The following MPDZ variants were observed in gnomAD, a reference collection of about 807,000 sequenced individuals.
MPDZ encodes multiple PDZ domain crumbs cell polarity complex component.
In MPDZ, 234 loss-of-function variants were observed where a neutral mutation model predicts 239.1. That is an observed-to-expected ratio of 0.98 (90% CI 0.88 to 1.09). The LOEUF (loss-of-function observed/expected upper bound fraction) is 1.09. MPDZ is among the 50% of genes least tolerant of loss of function. The pLI is 0.00. For missense variants in MPDZ, 3,175 were observed against 2,510.0 expected (o/e 1.26, Z -5.66); for synonymous variants, 1,048 against 881.3 (o/e 1.19, Z -3.35).
intron 1 of MPDZ, among the ~76,000 whole-genome samples, chr9:13,251,006 G>A (rs548787265): frequency 6.6e-6 from 1 of 151,486 alleles, no homozygotes; most frequent in South Asian, 2.1e-4. Flanking sequence ...GTGCACACCT[G>A]TAATCCCAGC....
At chr9:13,163,586 G>T (rs919303818) in intron 22 of MPDZ, among the ~76,000 whole-genome samples, 3 of 152,014 alleles carry the variant, frequency 2.0e-5, no homozygotes, top group African/African-American at 7.2e-5. Flanking sequence ...CTTCTGACAT[G>T]GTGGACATAC....
chr9:13,251,614 T>C (rs1477749527), intron 1 of MPDZ, among the ~76,000 whole-genome samples: 1 of 152,160 alleles, frequency 6.6e-6, no homozygotes, highest in Non-Finnish European at 1.5e-5. Context: ...GGAAGCAAAA[T>C]GGAATTTCTC....
At position 13,176,152 on chromosome 9, in the gene MPDZ, G is replaced by A. The variant is rs767696999; in HGVS notation, c.2915C>T (p.Pro972Leu). The change falls in exon 20 of 47, where the codon CCC (proline) becomes CTC (leucine). Residue 972 changes from proline to leucine, a missense_variant. Coordinates refer to ENST00000319217, the MANE Select transcript of MPDZ (RefSeq NM_001378778.1). ...AAATATTACCTTTCCAGCTGAATCG[G>A]GTAGCACAGAAGGAAGTTCTGCACT... Reference protein sequence around the residue: ...ISSAELPSVLPDSAGKGSEYL... With the variant: ...ISSAELPSVLLDSAGKGSEYL... The A allele has an allele frequency of 1.3e-6, 2 of 1,598,964 alleles. No individual in the cohort carries two copies.
intron 21 of MPDZ, among the ~76,000 whole-genome samples, chr9:13,171,648 C>T (rs960752943): frequency 2.0e-5 from 3 of 152,050 alleles, no homozygotes; most frequent in Non-Finnish European, 4.4e-5. Flanking sequence ...ACTATATGCA[C>T]GTGTATATTT....
intron 24 of MPDZ, among the ~76,000 whole-genome samples, chr9:13,152,121 A>C (rs545654894): frequency 6.6e-6 from 1 of 152,200 alleles, no homozygotes; most frequent in South Asian, 2.1e-4. Context: ...TAGCAACCAA[A>C]TCAAGGGAAA....
intron 27 of MPDZ, among the ~76,000 whole-genome samples, chr9:13,141,662 A>C (rs1947712805): frequency 6.6e-6 from 1 of 152,170 alleles, no homozygotes; most frequent in Admixed American, 6.6e-5. Flanking sequence ...ACAAATACTT[A>C]GAAATTATTA....
intron 23 of MPDZ, among the ~76,000 whole-genome samples, chr9:13,159,623 GC>G (rs1950228204): frequency 6.6e-6 from 1 of 152,136 alleles, no homozygotes; most frequent in Non-Finnish European, 1.5e-5. Flanking sequence ...TCAGTGACAG[GC>G]AGGGGATGGG....
At chr9:13,155,173 G>A (rs969658675) in intron 24 of MPDZ, among the ~76,000 whole-genome samples, 7 of 152,040 alleles carry the variant, frequency 4.6e-5, no homozygotes, top group Non-Finnish European at 8.8e-5. Context: ...AGCCAGGATC[G>A]TGCCACTGCA....
rs1477710213 is a variant in MPDZ, at chr9:13,119,575, C to T, written c.5306G>A (p.Gly1769Glu). 1.9e-6 allele frequency: 3 copies of T among 1,613,892 alleles called. No individual in the cohort carries two copies. The highest frequency in any genetic ancestry group is 2.5e-6 in the Non-Finnish European group (3 of 1,179,872). ...IADADGRLMQ[G>E]DQILMVNGED... Reference sequence around the variant, plus strand: ...CCCATTCACCATTAATATCTGGTCTCCCTGCATCAGTCTTCCATCGGCATC... The same window carrying T: ...CCCATTCACCATTAATATCTGGTCTTCCTGCATCAGTCTTCCATCGGCATC... Residue 1769 changes from glycine (G) to glutamate (E), a missense_variant, in exon 39 of 47, where the codon GGA becomes GAA. By Grantham distance (98) the Gly-to-Glu change is moderately conservative. Transcript: ENST00000319217.
At chr9:13,228,476 G>C (rs920750561) in intron 3 of MPDZ, among the ~76,000 whole-genome samples, 6 of 152,024 alleles carry the variant, frequency 3.9e-5, no homozygotes, top group Middle Eastern at 3.4e-3. Flanking sequence ...ACTACAAAAG[G>C]TCAAGTAAAG....
At chr9:13,258,764 T>C (rs1489381596) in intron 1 of MPDZ, among the ~76,000 whole-genome samples, 3 of 152,194 alleles carry the variant, frequency 2.0e-5, no homozygotes, top group East Asian at 3.9e-4. Flanking sequence ...ATGAATACAA[T>C]TTTTATTTTC....
In MPDZ at chr9:13,119,590, C is replaced by A. The variant is rs1216087960; in HGVS notation, c.5291G>T (p.Gly1764Val). ...IVKGGIADAD[G>V]RLMQGDQILM... is the part of the protein sequence containing the mutation. The stretch of plus-strand genomic sequence containing the variant: ...TATCTGGTCTCCCTGCATCAGTCTT[C>A]CATCGGCATCTGCAATTCCTCCTTT... Residue 1764 changes from glycine (G) to valine (V), a missense_variant, in exon 39 of 47, where the codon GGA (glycine) becomes GTA (valine). Gly to Val is a moderately radical substitution (Grantham distance 109). Coordinates refer to ENST00000319217, the MANE Select transcript of MPDZ (RefSeq NM_001378778.1). 4 of 1,613,894 alleles carry A rather than the reference C, an allele frequency of 2.5e-6. No homozygotes were observed. The highest frequency in any genetic ancestry group is 2.2e-5 in the South Asian group (2 of 91,092).
At chr9:13,115,583 T>C (rs557557843) in intron 39 of MPDZ, among the ~76,000 whole-genome samples, 3 of 152,206 alleles carry the variant, frequency 2.0e-5, no homozygotes, top group East Asian at 1.9e-4. Context: ...TGGAGACTAC[T>C]TGTACCAAAA....
chr9:13,121,808 C>T lies in MPDZ; in HGVS notation c.5162G>A (p.Cys1721Tyr). 2 of 1,613,938 alleles carry T rather than the reference C, an allele frequency of 1.2e-6. No homozygotes were observed. Among genetic ancestry groups the T allele is most frequent in the Non-Finnish European group, 1.7e-6 (2 of 1,179,890 alleles). Reference protein sequence around the residue: ...DEAPYKEEEVCDTLTIELQKK... With the variant: ...DEAPYKEEEVYDTLTIELQKK... ...CTGCAGCTCAATAGTGAGGGTGTCA[C>T]ACACTTCCTCCTCTTTGTATGGGGC... is the stretch of plus-strand genomic sequence containing the variant. Residue 1721 changes from cysteine to tyrosine, a missense_variant, in exon 38 of 47, where the codon TGT (cysteine) becomes TAT (tyrosine). Coordinates refer to ENST00000319217, the MANE Select transcript of MPDZ (RefSeq NM_001378778.1).
Position 13,262,720 on chromosome 9 carries a change from A to G in MPDZ, c.-57-12348T>C, listed in dbSNP as rs150842104. ...AAACAAAAAACACAAAACAAGGGCA[A>G]CAAAATAAATTCAGATATCCATATT... On this transcript the variant is annotated intron_variant, in intron 1 of 46. Transcript: ENST00000319217. 1.3e-3 allele frequency among the ~76,000 whole-genome samples: 191 copies of G among 152,252 alleles called. 2 individuals carry two copies. The highest frequency in any genetic ancestry group is 4.5e-3 in the African/African-American group (185 of 41,564).
intron 44 of MPDZ, 89 bp from the exon 45 acceptor site, chr9:13,110,153 A>T (rs1332148832): frequency 1.2e-6 from 1 of 831,194 alleles, no homozygotes; most frequent in East Asian, 2.7e-5. Flanking sequence ...CTTGGATTAA[A>T]ATGTATATTT....
At chr9:13,194,870 T>G (rs1392962928) in intron 13 of MPDZ, among the ~76,000 whole-genome samples, 1 of 152,088 alleles carries the variant, frequency 6.6e-6, no homozygotes, top group Non-Finnish European at 1.5e-5. Context: ...ATTTCTGAAG[T>G]TTCATGTTAA....
At position 13,109,976 on chromosome 9, in the gene MPDZ, C is replaced by T; in HGVS notation, c.5918G>A (p.Ser1973Asn). 1 of 1,613,016 alleles carries T rather than the reference C, an allele frequency of 6.2e-7. No homozygotes were observed. The highest frequency in any genetic ancestry group is 8.5e-7 in the Non-Finnish European group (1 of 1,179,606). Reference protein sequence around the residue: ...SSLSFTGLTSSSIFQDDLGPP... With the variant: ...SSLSFTGLTSNSIFQDDLGPP... ...CCCTAAATCATCCTGAAATATACTG[C>T]TTGACGTCAGCCCAGTGAAAGAAAG... Residue 1973 changes from serine to asparagine, a missense_variant, in exon 45 of 47, where the codon AGC becomes AAC. Transcript: ENST00000319217.
At chr9:13,238,529 C>A (rs1964638749) in intron 3 of MPDZ, among the ~76,000 whole-genome samples, 1 of 152,124 alleles carries the variant, frequency 6.6e-6, no homozygotes, top group Non-Finnish European at 1.5e-5. Context: ...CTTTCTTCTG[C>A]CTATTAAACT....
Sources: allele counts gnomAD v4.1 joint callset (sites outside exome capture counted in the v4.1 genomes callset), GRCh38; gene constraint gnomAD v4.1.1; transcripts MANE v1.5; gene names NCBI Gene and HGNC (gene_info 2026-07-23, HGNC 2026-07-21).